Variants in LSAMP observed in about 807,000 individuals in gnomAD.
LSAMP encodes the protein limbic system associated membrane protein, also known as limbic system-associated membrane protein.
LSAMP carries 7 observed loss-of-function variants against 38.6 expected under a neutral mutation model. That is an observed-to-expected ratio of 0.18 (90% CI 0.10 to 0.34). LSAMP has a LOEUF of 0.34. LSAMP is among the 10% of genes least tolerant of loss of function. The pLI is 1.00. For missense variants in LSAMP, 313 were observed against 420.0 expected, an observed-to-expected ratio of 0.75 and a Z score of 2.23; for synonymous variants, 154 against 166.8, an observed-to-expected ratio of 0.92 and a Z score of 0.59.
intron 6 of LSAMP, among the ~76,000 whole-genome samples, chr3:115,830,481 G>T (rs1475614266): frequency 1.3e-5 from 2 of 152,156 alleles, no homozygotes; most frequent in African/African-American, 2.4e-5. Flanking sequence ...TGAAATGTAG[G>T]TGTCCTTTGA....
intron 1 of LSAMP, among the ~76,000 whole-genome samples, chr3:116,399,837 C>T (rs777927216): frequency 9.9e-5 from 15 of 152,128 alleles, no homozygotes; most frequent in Non-Finnish European, 1.5e-4. Context: ...TAAACTTATC[C>T]GAATTCTGTC....
At chr3:116,107,949 A>G (rs1362713449) in intron 1 of LSAMP, among the ~76,000 whole-genome samples, 1 of 152,114 alleles carries the variant, frequency 6.6e-6, no homozygotes, top group African/African-American at 2.4e-5. Flanking sequence ...TGGTTTTAGG[A>G]CAGGTAAAAT....
intron 1 of LSAMP, among the ~76,000 whole-genome samples, chr3:116,401,745 T>C (rs17652825): frequency 0.03 from 4,581 of 152,340 alleles, 95 homozygotes; most frequent in South Asian, 0.089. Flanking sequence ...TCACTATTCA[T>C]AGAGATAGAC....
At chr3:116,102,086 T>C (rs2107451845) in intron 1 of LSAMP, among the ~76,000 whole-genome samples, 1 of 152,286 alleles carries the variant, frequency 6.6e-6, no homozygotes, top group East Asian at 1.9e-4. Flanking sequence ...AATTATTTTT[T>C]CCTGTAAGGT....
chr3:116,007,157 G>A (rs1940184496), intron 3 of LSAMP, among the ~76,000 whole-genome samples: 1 of 151,872 alleles, frequency 6.6e-6, no homozygotes, highest in African/African-American at 2.4e-5. Context: ...GCAGTCAACT[G>A]CAGACAAAGC....
chr3:116,282,551 C>T (rs1012273402), intron 1 of LSAMP, among the ~76,000 whole-genome samples: 1 of 152,142 alleles, frequency 6.6e-6, no homozygotes, highest in African/African-American at 2.4e-5. Flanking sequence ...ACACATCTTC[C>T]ATGTCCCTTA....
rs181394233 is a variant in LSAMP, at chr3:116,248,891, T to C, written c.156-162335A>G. ...TGCCAGGCGCGGTGGCTCACGCCTATAATCCCAGCACTTTGGGAGGCTGAG... is the reference window on the plus strand; with the variant it reads ...TGCCAGGCGCGGTGGCTCACGCCTACAATCCCAGCACTTTGGGAGGCTGAG... On this transcript the variant is annotated intron_variant, in intron 1 of 6. Transcript: ENST00000490035. Among the ~76,000 whole-genome samples, 6 of 152,210 alleles carry C rather than the reference T, an allele frequency of 3.9e-5. No individual in the cohort carries two copies. The East Asian group carries it at 1.2e-3, about 30-fold the overall frequency.
chr3:116,177,569 A>C (rs929393210), intron 1 of LSAMP, among the ~76,000 whole-genome samples: 10 of 152,196 alleles, frequency 6.6e-5, no homozygotes, highest in African/African-American at 2.2e-4. Context: ...AAGAGTGAAA[A>C]CTTAAAAACT....
chr3:115,925,910 T>A (rs749345261), intron 3 of LSAMP, among the ~76,000 whole-genome samples: 3 of 152,166 alleles, frequency 2.0e-5, no homozygotes, highest in Non-Finnish European at 4.4e-5. Flanking sequence ...AAATAGCATT[T>A]AACCTTGCTA....
intron 5 of LSAMP, 95 bp downstream of exon 5, chr3:115,842,363 A>G (rs1402622898): frequency 1.9e-5 from 28 of 1,463,064 alleles, no homozygotes; most frequent in Non-Finnish European, 2.6e-5. Context: ...GTTCTACATA[A>G]TTACAACTGG....
intron 2 of LSAMP, among the ~76,000 whole-genome samples, chr3:116,065,867 C>T (rs1433703180): frequency 1.3e-5 from 2 of 152,200 alleles, no homozygotes; most frequent in Non-Finnish European, 2.9e-5. Context: ...TGGCACATAT[C>T]AGTTGTATGA....
At chr3:115,894,076 C>T (rs894612788) in intron 3 of LSAMP, among the ~76,000 whole-genome samples, 2 of 152,026 alleles carry the variant, frequency 1.3e-5, no homozygotes, top group Admixed American at 6.6e-5. Context: ...CAATCTTATT[C>T]TGCAGTATTA....
At chr3:116,442,148 T>C (rs544688057) in intron 1 of LSAMP, among the ~76,000 whole-genome samples, 2 of 152,316 alleles carry the variant, frequency 1.3e-5, no homozygotes, top group South Asian at 4.1e-4. Flanking sequence ...ATCATAATTA[T>C]ACAAAAATGA....
chr3:116,202,840 G>A (rs1226709161), intron 1 of LSAMP, among the ~76,000 whole-genome samples: 3 of 152,226 alleles, frequency 2.0e-5, no homozygotes, highest in Non-Finnish European at 1.5e-5. Flanking sequence ...CTTGCCTTCT[G>A]GCCTGGAAGT....
intron 2 of LSAMP, among the ~76,000 whole-genome samples, chr3:116,023,678 C>T (rs1940703220): frequency 6.6e-6 from 1 of 151,728 alleles, no homozygotes; most frequent in South Asian, 2.1e-4. Context: ...ACACATTCAC[C>T]ACACTACAAT....
rs979290387 is a variant in LSAMP, at chr3:116,103,788, C to T, written c.156-17232G>A. Among the ~76,000 whole-genome samples, 4 of 151,618 alleles carry T rather than the reference C, an allele frequency of 2.6e-5. No individual in the cohort carries two copies. In the East Asian group the frequency reaches 5.8e-4, roughly 22 times the overall value. ...CTGTAAAATTAAGGAAGTCAGAGTC[C>T]CTAATTTATTTTTTCTAAGTGTATC... On this transcript the variant is annotated intron_variant, in intron 1 of 6. Coordinates refer to ENST00000490035, the MANE Select transcript of LSAMP (RefSeq NM_002338.5).
At chr3:116,109,926 G>T (rs894040601) in intron 1 of LSAMP, among the ~76,000 whole-genome samples, 1 of 149,844 alleles carries the variant, frequency 6.7e-6, no homozygotes, top group East Asian at 1.9e-4. Context: ...GATGGGGTGC[G>T]GAAATAAGGG....
At chr3:115,862,843 T>C (rs1449991208) in intron 3 of LSAMP, among the ~76,000 whole-genome samples, 2 of 152,202 alleles carry the variant, frequency 1.3e-5, no homozygotes, top group African/African-American at 2.4e-5. Flanking sequence ...TTAGCCTTTC[T>C]GTAAAGCAGA....
At chr3:116,316,767 T>TA (rs2047634042) in intron 1 of LSAMP, among the ~76,000 whole-genome samples, 1 of 82,746 alleles carries the variant, frequency 1.2e-5, no homozygotes, top group Admixed American at 1.8e-4. Context: ...CAAGACTCCA[T>TA]CTCAAAAAAA....
Sources: gnomAD v4.1 joint callset for allele counts (sites outside exome capture counted in the v4.1 genomes callset) on GRCh38, gnomAD v4.1.1 for gene constraint, MANE v1.5 for transcripts, NCBI Gene and HGNC (gene_info 2026-07-23, HGNC 2026-07-21) for gene names.